The following CNDP1 variants were observed in gnomAD, a reference collection of about 807,000 sequenced individuals.
CNDP1 encodes carnosine dipeptidase 1.
A neutral mutation model predicts 58.1 loss-of-function variants in CNDP1; 44 were observed. That is an observed-to-expected ratio of 0.76 (90% CI 0.60 to 0.97). The LOEUF (loss-of-function observed/expected upper bound fraction) is 0.97, where lower values mean the gene tolerates loss of function less well. Ranked by LOEUF, CNDP1 falls within the 50% of genes least tolerant of loss-of-function variation. The pLI, the probability that CNDP1 is intolerant of heterozygous loss-of-function variation, is 0.00. For missense variants in CNDP1, 616 were observed against 655.1 expected (o/e 0.94, Z 0.65); for synonymous variants, 254 against 252.6 (o/e 1.01, Z -0.05).
At chr18:74,580,417 TGCAGG>T in intron 10 of CNDP1, 146 bp downstream of exon 10, 1 of 777,208 alleles carries the variant, frequency 1.3e-6, no homozygotes, top group Non-Finnish European at 2.1e-6. Context: ...GCATGCCATG[TGCAGG>T]GCACGCTATA....
chr18:74,553,136 T>A (rs542372128), intron 1 of CNDP1, among the ~76,000 whole-genome samples: 52 of 152,362 alleles, frequency 3.4e-4, no homozygotes, highest in African/African-American at 7.9e-4. Flanking sequence ...GGCTGTCTTT[T>A]ATTATTGAAC....
chr18:74,540,784 C>T (rs762893491), intron 1 of CNDP1, among the ~76,000 whole-genome samples: 2 of 152,176 alleles, frequency 1.3e-5, no homozygotes, highest in Non-Finnish European at 2.9e-5. Context: ...CGGCTCAGTG[C>T]CTGCCCTCCA....
intron 1 of CNDP1, among the ~76,000 whole-genome samples, chr18:74,555,301 TG>T (rs960552488): frequency 2.0e-4 from 30 of 152,262 alleles, no homozygotes; most frequent in African/African-American, 6.7e-4. Flanking sequence ...TGGGGATAGC[TG>T]GTGGCTTTCC....
At chr18:74,574,477 G>A (rs1422428097) in intron 7 of CNDP1, among the ~76,000 whole-genome samples, 2 of 152,182 alleles carry the variant, frequency 1.3e-5, no homozygotes, top group Non-Finnish European at 2.9e-5. Context: ...ATTTTTATAA[G>A]CAGCAAATAT....
At chr18:74,542,457 C>T (rs576123100) in intron 1 of CNDP1, among the ~76,000 whole-genome samples, 1 of 152,272 alleles carries the variant, frequency 6.6e-6, no homozygotes, top group South Asian at 2.1e-4. Flanking sequence ...TGGCACTGGG[C>T]CAGGCTGTAG....
chr18:74,560,768 T>C, intron 3 of CNDP1, 88 bp from the exon 4 acceptor site: 1 of 1,246,768 alleles, frequency 8.0e-7, no homozygotes, highest in Non-Finnish European at 1.2e-6. Flanking sequence ...TCTCCCAATG[T>C]CAAACAAGAC....
intron 7 of CNDP1, among the ~76,000 whole-genome samples, chr18:74,575,119 A>C (rs1268610547): frequency 6.7e-6 from 1 of 150,028 alleles, no homozygotes; most frequent in East Asian, 2.0e-4. Context: ...AAAGAAAGGA[A>C]GGAAGGAAAG....
intron 2 of CNDP1, among the ~76,000 whole-genome samples, chr18:74,557,645 T>C (rs57034248): frequency 0.016 from 2,426 of 151,976 alleles, 70 homozygotes; most frequent in East Asian, 0.11. Flanking sequence ...ATGTGCACAC[T>C]GATGTGTTGT....
intron 2 of CNDP1, 129 bp downstream of exon 2, chr18:74,556,595 G>T: frequency 9.8e-7 from 1 of 1,017,616 alleles, no homozygotes; most frequent in Non-Finnish European, 1.5e-6. Flanking sequence ...GCCTATGACT[G>T]CTCATTGGGT....
At chr18:74,536,960 C>T (rs912119646) in intron 1 of CNDP1, among the ~76,000 whole-genome samples, 8 of 152,086 alleles carry the variant, frequency 5.3e-5, no homozygotes, top group East Asian at 1.9e-4. Flanking sequence ...CTGTTCATGT[C>T]CTTTGCCCAG....
At chr18:74,564,775 C>A (rs1338615111) in intron 5 of CNDP1, among the ~76,000 whole-genome samples, 1 of 152,194 alleles carries the variant, frequency 6.6e-6, no homozygotes, top group Admixed American at 6.5e-5. Context: ...CCGAGCATTA[C>A]CTTGAATTCT....
chr18:74,555,712 A>T (rs988393269), intron 1 of CNDP1, among the ~76,000 whole-genome samples: 9 of 152,074 alleles, frequency 5.9e-5, no homozygotes, highest in African/African-American at 2.2e-4. Context: ...GGTCTCTCAG[A>T]GATGGGGTTG....
intron 7 of CNDP1, among the ~76,000 whole-genome samples, chr18:74,572,871 C>A (rs1981521627): frequency 6.7e-6 from 1 of 149,652 alleles, no homozygotes; most frequent in Non-Finnish European, 1.5e-5. Flanking sequence ...TAATAATGTG[C>A]CCCTTTTGGG....
chr18:74,536,989 G>C lies in CNDP1; in HGVS notation c.24+2298G>C, dbSNP rs186420482. On this transcript the variant is annotated intron_variant, in intron 1 of 11. Coordinates refer to ENST00000358821, the MANE Select transcript of CNDP1 (RefSeq NM_032649.6). ...TGCCCAGTTTTTAATGGGATTGTTT[G>C]TTTTTTCTTGTAAATTTGTTGAAGT... 6.6e-5 allele frequency among the ~76,000 whole-genome samples: 10 copies of C among 152,126 alleles called. No homozygotes were observed. The East Asian group carries it at 1.9e-3, about 29-fold the overall frequency.
intron 1 of CNDP1, among the ~76,000 whole-genome samples, chr18:74,540,919 T>C (rs1980605223): frequency 1.3e-5 from 2 of 152,368 alleles, no homozygotes; most frequent in South Asian, 4.1e-4. Flanking sequence ...ATCTGAGGAA[T>C]GCTGCAAACA....
At chr18:74,553,962 A>G (rs539567112) in intron 1 of CNDP1, among the ~76,000 whole-genome samples, 74 of 152,176 alleles carry the variant, frequency 4.9e-4, no homozygotes, top group African/African-American at 1.7e-3. Context: ...AGAGCCACAC[A>G]TTTTTCTATA....
At chr18:74,555,891 C>G (rs1981024792) in intron 1 of CNDP1, among the ~76,000 whole-genome samples, 1 of 152,162 alleles carries the variant, frequency 6.6e-6, no homozygotes, top group South Asian at 2.1e-4. Flanking sequence ...CCCCACAACA[C>G]TGGATTTTAG....
At chr18:74,536,562 T>C (rs932245265) in intron 1 of CNDP1, among the ~76,000 whole-genome samples, 2 of 152,250 alleles carry the variant, frequency 1.3e-5, no homozygotes, top group Non-Finnish European at 2.9e-5. Context: ...TTTAGGTTGA[T>C]TCCATGTCTT....
intron 1 of CNDP1, among the ~76,000 whole-genome samples, chr18:74,548,779 G>C (rs1347119465): frequency 6.6e-6 from 1 of 152,248 alleles, no homozygotes; most frequent in African/African-American, 2.4e-5. Context: ...GTGAAGTCCA[G>C]GCTGATGTGG....
Sources: gnomAD v4.1 joint callset for allele counts (sites outside exome capture counted in the v4.1 genomes callset) on GRCh38, gnomAD v4.1.1 for gene constraint, MANE v1.5 for transcripts, NCBI Gene and HGNC (gene_info 2026-07-23, HGNC 2026-07-21) for gene names.